FRMD6: variants seen among roughly 807,000 people sequenced by gnomAD.
The protein encoded by FRMD6 is FERM domain containing 6.
Under a neutral mutation model 73.2 loss-of-function variants are expected in FRMD6, and 37 were observed. That is an observed-to-expected ratio of 0.51 (90% confidence interval 0.39 to 0.66). The LOEUF is 0.66. FRMD6 is among the 30% of genes least tolerant of loss of function. The probability of loss-of-function intolerance (pLI) is 0.00; values close to 1 mark genes in which losing one functional copy is unlikely to be tolerated. For missense variants in FRMD6, 714 were observed against 780.5 expected (o/e 0.91, Z 1.02); for synonymous variants, 273 against 282.2 (o/e 0.97, Z 0.33).
intron 1 of FRMD6, among the ~76,000 whole-genome samples, chr14:51,667,325 C>G (rs1164343529): frequency 6.6e-6 from 1 of 151,938 alleles, no homozygotes; most frequent in Non-Finnish European, 1.5e-5. Context: ...TTAATACTTG[C>G]AAGCCCATAA....
At chr14:51,597,215 C>T (rs72673990) in intron 2 of FRMD6, among the ~76,000 whole-genome samples, 11,220 of 152,154 alleles carry the variant, frequency 0.074, 662 homozygotes, top group African/African-American at 0.15. Flanking sequence ...CCATAGAGAG[C>T]TTATCTTATG....
the FRMD6 span, among the ~76,000 whole-genome samples, chr14:51,417,279 A>G: frequency 6.6e-5 from 10 of 152,304 alleles, no homozygotes; most frequent in African/African-American, 2.4e-4. Flanking sequence ...ATGTTTTTGC[A>G]GTGGCTGGTA....
At chr14:51,504,374 C>A (rs528281522) in intron 1 of FRMD6, among the ~76,000 whole-genome samples, 1 of 152,314 alleles carries the variant, frequency 6.6e-6, no homozygotes, top group South Asian at 2.1e-4. Context: ...GCTAGAGACC[C>A]CTGTTGGGAG....
chr14:51,488,469 G>C (rs997165162), upstream of FRMD6, among the ~76,000 whole-genome samples: 1 of 152,194 alleles, frequency 6.6e-6, no homozygotes, highest in Non-Finnish European at 1.5e-5. Flanking sequence ...CACATGGGTA[G>C]TCAACAGCAG....
chr14:51,702,403 A>G (rs1896377940), intron 4 of FRMD6, 109 bp from the exon 5 acceptor site: 4 of 841,370 alleles, frequency 4.8e-6, no homozygotes, highest in East Asian at 4.9e-5. Context: ...AATAAAACCT[A>G]TCAGTGATCA....
At chr14:51,543,497 T>C (rs1373595286) in intron 1 of FRMD6, among the ~76,000 whole-genome samples, 2 of 152,056 alleles carry the variant, frequency 1.3e-5, no homozygotes, top group Admixed American at 6.6e-5. Context: ...TTTTATATAA[T>C]CTGTTTGCAT....
intron 2 of FRMD6, chr14:51,575,610 C>A (rs1034660085): frequency 6.6e-6 from 1 of 152,326 alleles, no homozygotes; most frequent in African/African-American, 2.4e-5. Context: ...TTTTTGAAAT[C>A]CTTAGAGATT....
the FRMD6 span, among the ~76,000 whole-genome samples, chr14:51,461,123 T>G: frequency 9.9e-5 from 15 of 152,228 alleles, no homozygotes; most frequent in African/African-American, 3.6e-4. Flanking sequence ...ACACAAGAGC[T>G]GTGTATATCT....
At position 51,627,944 on chromosome 14, in the gene FRMD6, T is replaced by C. The variant is rs142841263; in HGVS notation, c.-147+57534T>C. Among the ~76,000 whole-genome samples the C allele has an allele frequency of 2.0e-3, 306 of 152,378 alleles. 11 individuals carry two copies. The East Asian group carries it at 0.054, about 27-fold the overall frequency. On this transcript the variant is annotated intron_variant, in intron 2 of 14. Coordinates refer to the FRMD6 transcript ENST00000356218. ...AATGGTATAGCATTTACGTGTAACC[T>C]ACACACATCTTCCTCATATATTTTC...
intron 2 of FRMD6, among the ~76,000 whole-genome samples, chr14:51,620,774 C>T (rs1890898862): frequency 6.6e-6 from 1 of 152,180 alleles, no homozygotes; most frequent in South Asian, 2.1e-4. Context: ...CTCCTATGGG[C>T]CTCAGCTGTT....
chr14:51,663,911 C>T (rs1474643497), intron 1 of FRMD6, among the ~76,000 whole-genome samples: 1 of 152,210 alleles, frequency 6.6e-6, no homozygotes, highest in Non-Finnish European at 1.5e-5. Context: ...TTATAACAAC[C>T]TGCTCTTGTG....
At chr14:51,658,328 T>TCTCTC (rs374420069) in intron 1 of FRMD6, among the ~76,000 whole-genome samples, 2 of 151,072 alleles carry the variant, frequency 1.3e-5, no homozygotes, top group African/African-American at 4.9e-5. Flanking sequence ...TTTCCCTTTT[T>TCTCTC]TCTCTCTCTC....
At chr14:51,497,659 C>T (rs1883382528) in intron 1 of FRMD6, among the ~76,000 whole-genome samples, 1 of 152,134 alleles carries the variant, frequency 6.6e-6, no homozygotes, top group Non-Finnish European at 1.5e-5. Context: ...ATCATTTCAA[C>T]ATGTAATCTG....
intron 1 of FRMD6, among the ~76,000 whole-genome samples, chr14:51,658,964 C>T (rs1177761937): frequency 6.6e-6 from 1 of 152,156 alleles, no homozygotes; most frequent in Non-Finnish European, 1.5e-5. Context: ...AAAAATTTAG[C>T]ATATGTAATG....
chr14:51,689,649 C>A (rs1342376081), intron 1 of FRMD6, 42 bp from the exon 2 acceptor site: 2 of 597,926 alleles, frequency 3.3e-6, no homozygotes, highest in Admixed American at 2.9e-5. Flanking sequence ...TCGCAGTCTT[C>A]ACCGCCTTTC....
Position 51,700,983 on chromosome 14 carries a change from T to C in FRMD6, c.191-73T>C, listed in dbSNP as rs56230947. ...AAGTCTTGAGGCTTTAAAAGAAACT[T>C]GTTTCTTTCTATATTTTTTTTCTTT... On this transcript the variant is annotated intron_variant, in intron 3 of 13. Coordinates refer to ENST00000344768, the MANE Select transcript of FRMD6 (RefSeq NM_001267046.2). The C allele has an allele frequency of 3.6e-3, 2,390 of 667,856 alleles. 42 individuals are homozygous for C. The African/African-American group carries it at 0.04, about 11-fold the overall frequency. The allele number at this position is 667,856 out of a possible 1,614,324, so 41.4% of individuals were successfully genotyped here.
the FRMD6 span, among the ~76,000 whole-genome samples, chr14:51,439,618 C>T: frequency 0.37 from 55,571 of 151,936 alleles, 10,666 homozygotes; most frequent in Non-Finnish European, 0.42. Flanking sequence ...CTAGGTCACA[C>T]GGTTTTGTAA....
At chr14:51,603,534 T>G (rs1890122780) in intron 2 of FRMD6, among the ~76,000 whole-genome samples, 1 of 152,186 alleles carries the variant, frequency 6.6e-6, no homozygotes, top group South Asian at 2.1e-4. Context: ...ACGAAAAACT[T>G]TCCTTTGATA....
intron 1 of FRMD6, among the ~76,000 whole-genome samples, chr14:51,660,876 A>G (rs184661064): frequency 6.6e-6 from 1 of 152,144 alleles, no homozygotes; most frequent in East Asian, 1.9e-4. Flanking sequence ...CTGGGGGAAA[A>G]GTGTTGCAGC....
Sources: gnomAD v4.1 joint callset for allele counts (sites outside exome capture counted in the v4.1 genomes callset) on GRCh38, gnomAD v4.1.1 for gene constraint, MANE v1.5 for transcripts, NCBI Gene and HGNC (gene_info 2026-07-23, HGNC 2026-07-21) for gene names.